EXD1: variants seen among roughly 807,000 people sequenced by gnomAD.
EXD1 encodes the protein piRNA biogenesis protein EXD1.
EXD1 carries 63 observed loss-of-function variants against 49.1 expected under a neutral mutation model. The ratio of observed to expected loss-of-function variants is 1.28; its 90% CI spans 1.05 to 1.58. The LOEUF (loss-of-function observed/expected upper bound fraction) is 1.58, where lower values mean the gene tolerates loss of function less well. Ranked by LOEUF, EXD1 falls within the 40% of genes most tolerant of loss-of-function variation. The pLI, the probability that EXD1 is intolerant of heterozygous loss-of-function variation, is 0.00. For synonymous variants in EXD1, 234 were observed against 239.2 expected (o/e 0.98, Z 0.20); for missense variants, 748 against 666.0 (o/e 1.12, Z -1.36).
intron 7 of EXD1, among the ~76,000 whole-genome samples, chr15:41,201,803 C>T (rs934744876): frequency 2.6e-5 from 4 of 151,862 alleles, no homozygotes; most frequent in Non-Finnish European, 5.9e-5. Flanking sequence ...TGCTTCTAAT[C>T]ACAAAAATCA....
At chr15:41,223,799 A>G (rs941810357) in intron 2 of EXD1, among the ~76,000 whole-genome samples, 1 of 151,662 alleles carries the variant, frequency 6.6e-6, no homozygotes, top group Non-Finnish European at 1.5e-5. Context: ...CGGGAGGCAA[A>G]GGTTCCAGTG....
At position 41,183,878 on chromosome 15, in the gene EXD1, G is replaced by A; in HGVS notation, c.*53C>T. On this transcript the variant is annotated 3_prime_UTR_variant, in exon 12 of 12. Transcript: ENST00000458580. Reference sequence around the variant, plus strand: ...AAACCTGGGCACTGTGGAAAGCCCTGATGGCAAAGGAAATAAGCCATCTGT... The same window carrying A: ...AAACCTGGGCACTGTGGAAAGCCCTAATGGCAAAGGAAATAAGCCATCTGT... 1.3e-6 allele frequency: 2 copies of A among 1,510,908 alleles called. No homozygotes were observed. The highest frequency in any genetic ancestry group is 1.8e-6 in the Non-Finnish European group (2 of 1,127,954). The allele number at this position is 1,510,908 out of a possible 1,614,324, so 93.6% of individuals were successfully genotyped here.
intron 7 of EXD1, among the ~76,000 whole-genome samples, chr15:41,199,758 A>ATATAATATAT (rs371424289): frequency 0.011 from 1,333 of 119,156 alleles, 35 homozygotes; most frequent in African/African-American, 0.019. Context: ...TATATATGAT[A>ATATAATATAT]CATATATGAT....
chr15:41,199,030 C>T (rs1040949600), intron 7 of EXD1, among the ~76,000 whole-genome samples: 1 of 151,566 alleles, frequency 6.6e-6, no homozygotes. Context: ...ATGGCATGAT[C>T]TCGGCTCACT....
chr15:41,189,912 C>G (rs1382055476), intron 11 of EXD1, 25 bp downstream of exon 11: 1 of 1,608,104 alleles, frequency 6.2e-7, no homozygotes. Context: ...GAAAGGAGGT[C>G]CTGAAGACAG....
chr15:41,219,573 C>G (rs1012598958), intron 3 of EXD1: 1 of 355,778 alleles, frequency 2.8e-6, no homozygotes, highest in Non-Finnish European at 5.0e-6. Context: ...AAGACAATCC[C>G]TTCCTGTTCA....
intron 11 of EXD1, among the ~76,000 whole-genome samples, chr15:41,187,933 T>C (rs1309050569): frequency 1.4e-5 from 2 of 144,684 alleles, no homozygotes; most frequent in South Asian, 2.2e-4. Context: ...GAGAATCGCC[T>C]GAACCCAGGA....
At chr15:41,219,697 C>T (rs1480365665) in intron 3 of EXD1, 133 bp downstream of exon 3, 4 of 692,998 alleles carry the variant, frequency 5.8e-6, no homozygotes, top group Non-Finnish European at 9.4e-6. Flanking sequence ...AGAGTACCCA[C>T]AGAAGCAGTA....
At chr15:41,186,826 G>A (rs1333280291) in intron 11 of EXD1, among the ~76,000 whole-genome samples, 1 of 150,030 alleles carries the variant, frequency 6.7e-6, no homozygotes, top group Admixed American at 6.7e-5. Context: ...CCAGGCTGGA[G>A]TACAATGGTG....
At chr15:41,226,012 G>A (rs2047159210) in intron 2 of EXD1, among the ~76,000 whole-genome samples, 1 of 152,188 alleles carries the variant, frequency 6.6e-6, no homozygotes, top group South Asian at 2.1e-4. Flanking sequence ...CAGAACTTTG[G>A]GAGGCCAAGG....
At chr15:41,205,376 C>T (rs886863152) in intron 7 of EXD1, among the ~76,000 whole-genome samples, 2 of 152,212 alleles carry the variant, frequency 1.3e-5, no homozygotes, top group African/African-American at 4.8e-5. Context: ...GGGTCTCACT[C>T]TCACATGCAT....
At chr15:41,223,686 C>G (rs1176350136) in intron 2 of EXD1, among the ~76,000 whole-genome samples, 1 of 151,412 alleles carries the variant, frequency 6.6e-6, no homozygotes, top group African/African-American at 2.4e-5. Context: ...ATAGTGAAAC[C>G]ACGTCTCTAC....
chr15:41,216,496 T>C (rs2047000671), intron 5 of EXD1, among the ~76,000 whole-genome samples, 172 bp downstream of exon 5: 1 of 152,018 alleles, frequency 6.6e-6, no homozygotes, highest in African/African-American at 2.4e-5. Flanking sequence ...CTGGGCGTGG[T>C]GGCACATGCC....
intron 9 of EXD1, among the ~76,000 whole-genome samples, chr15:41,194,995 G>A (rs542847704): frequency 1.3e-5 from 2 of 152,282 alleles, no homozygotes; most frequent in East Asian, 1.9e-4. Flanking sequence ...CTAAGCTTGT[G>A]TAATCAAGAT....
chr15:41,230,658 G>T lies in EXD1; in HGVS notation c.-233C>A. Reference sequence around the variant, plus strand: ...GGACGCTCCACGCCACCCGGCGGCGGTTATCAAATCACAGGCTGAAAACCT... The same window carrying T: ...GGACGCTCCACGCCACCCGGCGGCGTTTATCAAATCACAGGCTGAAAACCT... On this transcript the variant is annotated 5_prime_UTR_variant, in exon 1 of 12. Transcript: ENST00000458580. 8.4e-7 allele frequency: 1 copy of T among 1,188,090 alleles called. No individual in the cohort carries two copies. Among genetic ancestry groups the T allele is most frequent in the Non-Finnish European group, 1.2e-6 (1 of 836,532 alleles). The allele number at this position is 1,188,090 out of a possible 1,614,324, so 73.6% of individuals were successfully genotyped here.
intron 7 of EXD1, 36 bp downstream of exon 7, chr15:41,209,465 T>C (rs2046886414): frequency 6.3e-7 from 1 of 1,585,998 alleles, no homozygotes; most frequent in Admixed American, 1.8e-5. Context: ...GGCTCTATAA[T>C]TACTTCAAAA....
chr15:41,217,897 C>A (rs1207698902), intron 3 of EXD1, among the ~76,000 whole-genome samples: 1 of 152,132 alleles, frequency 6.6e-6, no homozygotes, highest in Non-Finnish European at 1.5e-5. Context: ...TCTGTACTAT[C>A]TAGAAGTATT....
In EXD1 at chr15:41,200,175, G is replaced by A. The variant is rs553012680; in HGVS notation, c.535-4138C>T. 9.9e-5 allele frequency among the ~76,000 whole-genome samples: 15 copies of A among 151,976 alleles called. No individual in the cohort carries two copies. The East Asian group carries it at 1.5e-3, about 16-fold the overall frequency. On this transcript the variant is annotated intron_variant, in intron 7 of 11. Transcript: ENST00000458580. ...TCCGCCTGCCTCGGCCTCCCTAAGC[G>A]CTAGAAGTACATGTGTGAGCCACCA...
In EXD1 at chr15:41,209,621, A is replaced by G. The variant is rs761986017; in HGVS notation, c.448-34T>C. On this transcript the variant is annotated intron_variant, in intron 6 of 11. Coordinates refer to ENST00000458580, the MANE Select transcript of EXD1 (RefSeq NM_001286441.2). ...AAAAAGAAGGAAAGGAAAAACTTTC[A>G]GGGAATAAATGTTGGCATGATAACA... 2.5e-6 allele frequency: 4 copies of G among 1,582,826 alleles called. No homozygotes were observed. The East Asian group carries it at 8.9e-5, about 35-fold the overall frequency.
Sources: allele counts gnomAD v4.1 joint callset (sites outside exome capture counted in the v4.1 genomes callset), GRCh38; gene constraint gnomAD v4.1.1; transcripts MANE v1.5; gene names NCBI Gene and HGNC (gene_info 2026-07-23, HGNC 2026-07-21).